The following WWOX variants were observed in gnomAD, a reference collection of about 807,000 sequenced individuals.
WWOX encodes WW domain containing oxidoreductase, also known as WW domain-containing oxidoreductase.
Under a neutral mutation model 46.2 loss-of-function variants are expected in WWOX, and 69 were observed. The ratio of observed to expected loss-of-function variants is 1.49; its 90% CI spans 1.23 to 1.82. The LOEUF (loss-of-function observed/expected upper bound fraction) is 1.82. Ranked by LOEUF, WWOX falls within the 40% of genes most tolerant of loss-of-function variation. WWOX has a pLI of 0.00. For missense variants in WWOX, 919 were observed against 542.6 expected (o/e 1.69, Z -6.89); for synonymous variants, 359 against 202.6 (o/e 1.77, Z -6.56).
chr16:79,165,714 C>CTGT lies in WWOX; in HGVS notation c.1057-45892_1057-45890dup, dbSNP rs369481886. On this transcript the variant is annotated intron_variant, in intron 8 of 8. Transcript: ENST00000566780. ...CCATGATTTCTTATTTGACTCTGTC[C>CTGT]TGTTTACTCTGTCAGGGTGAAAAGC... is the stretch of plus-strand genomic sequence containing the variant. Among the ~76,000 whole-genome samples, 444 of 152,228 alleles carry CTGT rather than the reference C, an allele frequency of 2.9e-3. 2 individuals carry two copies. Among genetic ancestry groups the CTGT allele is most frequent in the African/African-American group, 9.9e-3 (413 of 41,518 alleles).
chr16:78,687,648 G>A (rs1386061484), intron 8 of WWOX, among the ~76,000 whole-genome samples: 1 of 152,120 alleles, frequency 6.6e-6, no homozygotes, highest in African/African-American at 2.4e-5. Flanking sequence ...GGAACCCTTG[G>A]TTAGCACAGC....
At chr16:78,242,680 G>C (rs1476314022) in intron 5 of WWOX, among the ~76,000 whole-genome samples, 1 of 152,140 alleles carries the variant, frequency 6.6e-6, no homozygotes, top group Admixed American at 6.5e-5. Context: ...TGGCTAATAG[G>C]GGACAGGAGA....
rs1006779231 is a variant in WWOX, at chr16:78,346,808, G to C, written c.517-40052G>C. 2.5e-5 allele frequency among the ~76,000 whole-genome samples: 3 copies of C among 120,350 alleles called. 1 individual carries two copies. The highest frequency in any genetic ancestry group is 6.0e-5 in the Non-Finnish European group (3 of 50,400). The allele number at this position is 120,350 out of a possible 152,430, so 79.0% of individuals were successfully genotyped here. A position where few individuals can be genotyped will look rare whatever the true frequency, so the allele number is the denominator to read the frequency against. On this transcript the variant is annotated intron_variant, in intron 5 of 8. Transcript: ENST00000566780. ...CAACCTCTGCCTACTGGGTTCAAGC[G>C]ATTTTCCTGCCTCAGTCTCTTGAGT... is the stretch of plus-strand genomic sequence containing the variant.
At chr16:78,103,386 C>A (rs1396461300) in intron 1 of WWOX, among the ~76,000 whole-genome samples, 1 of 152,042 alleles carries the variant, frequency 6.6e-6, no homozygotes, top group African/African-American at 2.4e-5. Flanking sequence ...GTTCAGCCCC[C>A]CGTGCATTAG....
chr16:78,842,144 G>A (rs1235709571), intron 8 of WWOX, among the ~76,000 whole-genome samples: 1 of 152,058 alleles, frequency 6.6e-6, no homozygotes, highest in Non-Finnish European at 1.5e-5. Flanking sequence ...AAGTAATCCA[G>A]GAGGAGTTCA....
chr16:78,303,695 C>T (rs1240400809), intron 5 of WWOX, among the ~76,000 whole-genome samples: 1 of 152,204 alleles, frequency 6.6e-6, no homozygotes, highest in Non-Finnish European at 1.5e-5. Flanking sequence ...CAGGCATGCG[C>T]CACCATGCCC....
chr16:78,236,891 A>G (rs1021021078), intron 5 of WWOX, among the ~76,000 whole-genome samples: 13 of 152,120 alleles, frequency 8.5e-5, no homozygotes, highest in African/African-American at 2.9e-4. Context: ...CTTGATCAAT[A>G]TGGTGAAACC....
intron 8 of WWOX, among the ~76,000 whole-genome samples, chr16:78,544,078 C>G (rs148476868): frequency 1.3e-5 from 2 of 152,102 alleles, no homozygotes; most frequent in African/African-American, 2.4e-5. Context: ...CAAGCAGAAA[C>G]CCATGTTTTT....
At chr16:78,407,235 G>T (rs1406106900) in intron 6 of WWOX, among the ~76,000 whole-genome samples, 3 of 152,168 alleles carry the variant, frequency 2.0e-5, no homozygotes, top group African/African-American at 7.2e-5. Flanking sequence ...TTAGAAGACT[G>T]TGGGTCCTTG....
At chr16:78,408,267 G>C (rs953954161) in intron 6 of WWOX, among the ~76,000 whole-genome samples, 1 of 152,120 alleles carries the variant, frequency 6.6e-6, no homozygotes, top group African/African-American at 2.4e-5. Flanking sequence ...GGTTTCCTAT[G>C]CTGTCATGCC....
chr16:78,857,540 A>T (rs2052595014), intron 8 of WWOX, among the ~76,000 whole-genome samples: 2 of 152,170 alleles, frequency 1.3e-5, no homozygotes, highest in Admixed American at 1.3e-4. Flanking sequence ...CTGAGAAATC[A>T]GTCACCCATC....
At chr16:78,453,932 T>G (rs1230687437) in intron 8 of WWOX, among the ~76,000 whole-genome samples, 2 of 152,214 alleles carry the variant, frequency 1.3e-5, no homozygotes, top group African/African-American at 4.8e-5. Flanking sequence ...CATCAATTAT[T>G]TCTACCAAGT....
At chr16:78,151,394 G>T (rs1200584368) in intron 4 of WWOX, among the ~76,000 whole-genome samples, 4 of 152,034 alleles carry the variant, frequency 2.6e-5, no homozygotes, top group Non-Finnish European at 2.9e-5. Context: ...CTTAACATTG[G>T]GGATCAGTGG....
chr16:78,633,896 G>GT (rs4035834), intron 8 of WWOX, among the ~76,000 whole-genome samples: 2,572 of 134,628 alleles, frequency 0.019, 25 homozygotes, highest in African/African-American at 0.023. Context: ...CATCTGAGGT[G>GT]TTTTTTTTTT....
At chr16:78,406,602 G>A (rs2082552889) in intron 6 of WWOX, among the ~76,000 whole-genome samples, 1 of 149,770 alleles carries the variant, frequency 6.7e-6, no homozygotes, top group African/African-American at 2.5e-5. Flanking sequence ...GCCTGCCTTG[G>A]CCTTCCAAAG....
intron 5 of WWOX, among the ~76,000 whole-genome samples, chr16:78,386,312 G>A (rs1462733133): frequency 6.6e-6 from 1 of 152,104 alleles, no homozygotes; most frequent in African/African-American, 2.4e-5. Flanking sequence ...AGTTTTCTGG[G>A]TTTACTAAGC....
chr16:79,071,528 T>G (rs2150566435), intron 8 of WWOX, among the ~76,000 whole-genome samples: 1 of 152,326 alleles, frequency 6.6e-6, no homozygotes, highest in Admixed American at 6.5e-5. Context: ...TCAACTCTCC[T>G]TGTCTAGGAG....
intron 8 of WWOX, among the ~76,000 whole-genome samples, chr16:78,722,916 C>G (rs2048728922): frequency 1.3e-5 from 2 of 151,910 alleles, no homozygotes; most frequent in Admixed American, 6.6e-5. Context: ...GTGGCTCACG[C>G]CTGTAGCCCC....
At chr16:78,405,011 G>T (rs985696805) in intron 6 of WWOX, among the ~76,000 whole-genome samples, 1 of 152,158 alleles carries the variant, frequency 6.6e-6, no homozygotes, top group African/African-American at 2.4e-5. Flanking sequence ...GCATGTGGAT[G>T]TACTTCTATT....
Sources: allele counts gnomAD v4.1 joint callset (sites outside exome capture counted in the v4.1 genomes callset), GRCh38; gene constraint gnomAD v4.1.1; transcripts MANE v1.5; gene names NCBI Gene and HGNC (gene_info 2026-07-23, HGNC 2026-07-21).